TMEM187: variants seen among roughly 807,000 people sequenced by gnomAD.
TMEM187 encodes the protein chromosome X open reading frame 12.
A neutral mutation model predicts 11.8 loss-of-function variants in TMEM187; 14 were observed. The ratio of observed to expected loss-of-function variants is 1.18; its 90% CI spans 0.78 to 1.85. The LOEUF is 1.85. Among genes scored for constraint, TMEM187 ranks in the 40% most tolerant of loss-of-function variants. The pLI, the probability that TMEM187 is intolerant of heterozygous loss-of-function variation, is 0.00. For missense variants in TMEM187, 227 were observed against 243.9 expected (o/e 0.93, Z 0.46); for synonymous variants, 112 against 118.5 (o/e 0.95, Z 0.36).
Position 153,982,964 on chromosome X carries a change from A to C in TMEM187, c.*116A>C. ...GTGTGATGATATGCACTGATCACAC[A>C]AGACTGCCCTTTCCTGAGAAGCTGC... On this transcript the variant is annotated 3_prime_UTR_variant, in exon 2 of 2. Transcript: ENST00000369982. The C allele has an allele frequency of 8.6e-7, 1 of 1,169,562 alleles. No individual in the cohort carries two copies. The highest frequency in any genetic ancestry group is 1.1e-6 in the Non-Finnish European group (1 of 869,715).
intron 1 of TMEM187, among the ~76,000 whole-genome samples, chrX:153,973,363 C>G: frequency 1.8e-5 from 2 of 112,674 alleles, no homozygotes; most frequent in Middle Eastern, 4.6e-3. Context: ...GTCTGTGCCA[C>G]CACCTGCTCT....
At chrX:153,978,826 G>A (rs1407130404) in intron 1 of TMEM187, among the ~76,000 whole-genome samples, 3 of 109,519 alleles carry the variant, frequency 2.7e-5, no homozygotes, top group South Asian at 3.9e-4. Context: ...TCACTCTGCC[G>A]CCCAGGCTGG....
chrX:153,974,858 A>T (rs2065571777), intron 1 of TMEM187, among the ~76,000 whole-genome samples: 1 of 112,734 alleles, frequency 8.9e-6, no homozygotes, highest in Non-Finnish European at 1.9e-5. Flanking sequence ...CGGAACTCCA[A>T]GGCAAGAAGG....
Position 153,972,871 on chromosome X carries a change from A to C in TMEM187, c.-214+11A>C, listed in dbSNP as rs1365188961. 5 of 112,675 alleles carry C rather than the reference A, an allele frequency of 4.4e-5. No individual in the cohort carries two copies. Among genetic ancestry groups the C allele is most frequent in the Non-Finnish European group, 9.4e-5 (5 of 53,208 alleles). The allele number at this position is 112,675 out of a possible 1,213,427, so 9.3% of individuals were successfully genotyped here. A position where few individuals can be genotyped will look rare whatever the true frequency, so the allele number is the denominator to read the frequency against. ...TTTCGCGCCAATACTGTAAGTGCTC[A>C]CCGCAGCCCTGGGAGGTGGGTCCCG... On this transcript the variant is annotated intron_variant, in intron 1 of 1. Transcript: ENST00000369982.
chrX:153,972,918 T>C, intron 1 of TMEM187, 58 bp downstream of exon 1: 1 of 114,468 alleles, frequency 8.7e-6, no homozygotes, highest in Non-Finnish European at 1.8e-5. Flanking sequence ...ACGTTTCGCC[T>C]CCTCTAGGAG....
At chrX:153,981,798 C>T (rs977284370) in intron 1 of TMEM187, 52 bp from the exon 2 acceptor site, 3 of 450,339 alleles carry the variant, frequency 6.7e-6, no homozygotes, top group Admixed American at 4.0e-5. Context: ...AACATGGAGG[C>T]GGTGCTGGGG....
intron 1 of TMEM187, among the ~76,000 whole-genome samples, chrX:153,975,097 AAAAT>A (rs1382218082): frequency 8.9e-6 from 1 of 112,018 alleles, no homozygotes; most frequent in Non-Finnish European, 1.9e-5. Context: ...TTGCACCTCA[AAAAT>A]AAACAGTGCT....
At chrX:153,977,666 T>C (rs2065581822) in intron 1 of TMEM187, among the ~76,000 whole-genome samples, 1 of 97,636 alleles carries the variant, frequency 1.0e-5, no homozygotes, top group South Asian at 5.8e-4. Flanking sequence ...ATCCCAGCAC[T>C]TTGGGAGGCC....
intron 1 of TMEM187, among the ~76,000 whole-genome samples, chrX:153,974,848 C>T (rs1453187377): frequency 3.6e-5 from 4 of 112,468 alleles, no homozygotes; most frequent in African/African-American, 6.5e-5. Flanking sequence ...TCCTCAGCAA[C>T]GGAACTCCAA....
chrX:153,973,366 C>A (rs1478272458), intron 1 of TMEM187, among the ~76,000 whole-genome samples: 4 of 112,656 alleles, frequency 3.6e-5, no homozygotes, highest in African/African-American at 1.3e-4. Flanking sequence ...TGTGCCACCA[C>A]CTGCTCTTTG....
At chrX:153,981,702 G>T in intron 1 of TMEM187, 148 bp from the exon 2 acceptor site, 2 of 335,047 alleles carry the variant, frequency 6.0e-6, no homozygotes, top group Non-Finnish European at 1.1e-5. Context: ...GATTCTAGAG[G>T]CTTGAGAGAG....
chrX:153,980,147 G>A (rs949670505), intron 1 of TMEM187, among the ~76,000 whole-genome samples: 8 of 102,159 alleles, frequency 7.8e-5, no homozygotes, highest in Non-Finnish European at 1.4e-4. Context: ...AGCCAAGATC[G>A]CACCACTGCA....
chrX:153,981,872 G>A lies in TMEM187; in HGVS notation c.-191G>A, dbSNP rs879995964. 3.4e-5 allele frequency: 25 copies of A among 730,451 alleles called. No homozygotes were observed. Among genetic ancestry groups the A allele is most frequent in the East Asian group, 1.4e-4 (4 of 28,502 alleles). 60.2% of individuals were successfully genotyped at this position (730,451 alleles called of 1,213,427 possible). ...AAGGAAAAAGGCAGAACGTTCCTCC[G>A]CTGGCGCCAGCCAATCAGCAGGACT... On this transcript the variant is annotated 5_prime_UTR_variant, in exon 2 of 2. Coordinates refer to ENST00000369982, the MANE Select transcript of TMEM187 (RefSeq NM_003492.3).
At chrX:153,979,939 G>C in intron 1 of TMEM187, among the ~76,000 whole-genome samples, 1 of 108,326 alleles carries the variant, frequency 9.2e-6, no homozygotes, top group East Asian at 2.9e-4. Flanking sequence ...GGGTTTCACC[G>C]TGTTAGCCAG....
intron 1 of TMEM187, among the ~76,000 whole-genome samples, chrX:153,979,856 C>G (rs1486423159): frequency 9.5e-6 from 1 of 105,033 alleles, no homozygotes; most frequent in African/African-American, 3.5e-5. Context: ...CCTGCCTCAG[C>G]CTCCCGAGTA....
intron 1 of TMEM187, among the ~76,000 whole-genome samples, chrX:153,978,594 T>TG (rs1360732828): frequency 5.0e-5 from 4 of 80,735 alleles, no homozygotes; most frequent in African/African-American, 1.1e-4. Flanking sequence ...TTTTTTTTTT[T>TG]GGGGGGGAGA....
rs1831704448 is a variant in TMEM187 at position 153,981,951 on chromosome X, A to ACTTT, written c.-111_-110insTTTC. 2.6e-6 allele frequency: 3 copies of ACTTT among 1,164,812 alleles called. No individual in the cohort carries two copies. The highest frequency in any genetic ancestry group is 2.3e-5 in the Admixed American group (1 of 42,847). On this transcript the variant is annotated 5_prime_UTR_variant, in exon 2 of 2. An upstream open reading frame in the 5' UTR gains an earlier in-frame stop. Transcript: ENST00000369982. ...CATCTGCCTCGGAAATCACGAAATCACGGGGCTTCTTTCTGCTGGCTCAGC... is the reference window on the plus strand; with the variant it reads ...CATCTGCCTCGGAAATCACGAAATCACTTTCGGGGCTTCTTTCTGCTGGCTCAGC...
chrX:153,983,124 T>C lies in TMEM187; in HGVS notation c.*276T>C. 1 of 454,433 alleles carries C rather than the reference T, an allele frequency of 2.2e-6. No homozygotes were observed. Among genetic ancestry groups the C allele is most frequent in the Non-Finnish European group, 3.7e-6 (1 of 266,909 alleles). 37.5% of individuals were successfully genotyped at this position (454,433 alleles called of 1,213,427 possible). ...TAACTTTTCTGTAGTTTGAAATGTT[T>C]CCAAATAAATATTGGCAAGGGGAGT... is the stretch of plus-strand genomic sequence containing the variant. On this transcript the variant is annotated 3_prime_UTR_variant, in exon 2 of 2. Coordinates refer to ENST00000369982, the MANE Select transcript of TMEM187 (RefSeq NM_003492.3).
chrX:153,982,559 C>T lies in TMEM187; in HGVS notation c.497C>T (p.Ala166Val). 1 of 1,209,871 alleles carries T rather than the reference C, an allele frequency of 8.3e-7. No homozygotes were observed. Among genetic ancestry groups the T allele is most frequent in the African/African-American group, 1.7e-5 (1 of 58,044 alleles). ...ALLHPQGFEVALGAHVVAAVG... is the reference protein window; with the variant it reads ...ALLHPQGFEVVLGAHVVAAVG... ...CTGCATCCCCAGGGCTTCGAGGTCG[C>T]ACTGGGTGCTCACGTGGTGGCCGCT... Residue 166 changes from alanine to valine, a missense_variant, in exon 2 of 2, where the codon GCA becomes GTA. Ala to Val is a moderately conservative substitution (Grantham distance 64, BLOSUM62 0). Transcript: ENST00000369982.
Sources: gnomAD v4.1 joint callset for allele counts (sites outside exome capture counted in the v4.1 genomes callset) on GRCh38, gnomAD v4.1.1 for gene constraint, MANE v1.5 for transcripts, NCBI Gene and HGNC (gene_info 2026-07-23, HGNC 2026-07-21) for gene names.